IGF2R: variants seen among roughly 807,000 people sequenced by gnomAD.
The protein encoded by IGF2R is cation-independent mannose-6-phosphate receptor.
In IGF2R, 91 loss-of-function variants were observed where a neutral mutation model predicts 270.6. The observed-to-expected ratio is 0.34, with a 90% CI of 0.28 to 0.40. The LOEUF is 0.40. Among genes scored for constraint, IGF2R ranks in the 10% least tolerant of loss-of-function variants. The probability of loss-of-function intolerance (pLI) is 1.00; values close to 1 mark genes in which losing one functional copy is unlikely to be tolerated. For synonymous variants in IGF2R, 1,316 were observed against 1,258.9 expected, an observed-to-expected ratio of 1.05 and a Z score of -0.96; for missense variants, 2,805 against 3,188.3, an observed-to-expected ratio of 0.88 and a Z score of 2.90.
At chr6:159,985,826 T>C (rs1277109495) in intron 1 of IGF2R, among the ~76,000 whole-genome samples, 1 of 152,124 alleles carries the variant, frequency 6.6e-6, no homozygotes, top group Non-Finnish European at 1.5e-5. Context: ...GACCATTGGC[T>C]AACTGTTTTA....
At chr6:159,981,782 C>G (rs1158442577) in intron 1 of IGF2R, among the ~76,000 whole-genome samples, 1 of 152,198 alleles carries the variant, frequency 6.6e-6, no homozygotes, top group Admixed American at 6.5e-5. Context: ...ACCTCTGTTA[C>G]GCAGTCCCCA....
intron 1 of IGF2R, among the ~76,000 whole-genome samples, chr6:159,989,335 G>T (rs1398114028): frequency 5.9e-5 from 9 of 152,118 alleles, no homozygotes; most frequent in Non-Finnish European, 1.0e-4. Flanking sequence ...CTGGTGGTTG[G>T]TTTTGTGCTG....
chr6:160,020,868 CT>C (rs1355420185), intron 4 of IGF2R, among the ~76,000 whole-genome samples: 3 of 152,218 alleles, frequency 2.0e-5, no homozygotes, highest in Non-Finnish European at 2.9e-5. Context: ...CCAGGAAAAG[CT>C]CTCTCGGATC....
chr6:160,070,975 C>A (rs1392225712), intron 31 of IGF2R, among the ~76,000 whole-genome samples: 1 of 152,174 alleles, frequency 6.6e-6, no homozygotes, highest in Admixed American at 6.5e-5. Flanking sequence ...TGGCCGAGGA[C>A]AAAAGGGCTG....
Position 159,991,832 on chromosome 6 carries a change from G to A in IGF2R, c.289+509G>A, listed in dbSNP as rs8191708. 3.1e-3 allele frequency among the ~76,000 whole-genome samples: 474 copies of A among 152,314 alleles called. 4 individuals are homozygous for A. Among genetic ancestry groups the A allele is most frequent in the Non-Finnish European group, 4.3e-3 (292 of 68,032 alleles). On this transcript the variant is annotated intron_variant, in intron 2 of 47. Transcript: ENST00000356956. Reference sequence around the variant, plus strand: ...AGGATTGGCAGTCTCAGAGAAAGAGGTGCAGCCCCTTCTTTCCTAGGGTTC... The same window carrying A: ...AGGATTGGCAGTCTCAGAGAAAGAGATGCAGCCCCTTCTTTCCTAGGGTTC...
rs564600648 is a variant in IGF2R at position 160,084,780 on chromosome 6, C to T, written c.6069-215C>T. Among the ~76,000 whole-genome samples the T allele has an allele frequency of 1.3e-5, 2 of 152,116 alleles. No individual in the cohort carries two copies. The highest frequency in any genetic ancestry group is 1.9e-4 in the East Asian group (1 of 5,164). ...CCGCAGGTGTGGACATTCCACTCCG[C>T]GTGTGTCTGGTTGGTGAGCTCCCTT... On this transcript the variant is annotated intron_variant, in intron 40 of 47. Transcript: ENST00000356956. This position sits in a 1 kb window ranked among gnomAD's most constrained non-coding sequence, Gnocchi z 4.6.
chr6:160,020,340 G>A (rs1011370025), intron 4 of IGF2R, among the ~76,000 whole-genome samples: 1 of 152,086 alleles, frequency 6.6e-6, no homozygotes, highest in African/African-American at 2.4e-5. Flanking sequence ...TTCATGAATT[G>A]GAAGAATCAA....
chr6:160,076,061 C>T, intron 36 of IGF2R, 65 bp downstream of exon 36: 1 of 1,499,374 alleles, frequency 6.7e-7, no homozygotes, highest in South Asian at 1.1e-5. Context: ...GCTAGACAAC[C>T]AGAAAGTGCG....
chr6:160,043,247 A>G lies in IGF2R; in HGVS notation c.1580A>G (p.Lys527Arg). The part of the protein sequence containing the change: ...NICHRVLQEG[K>R]ARGCPEDAAV... The stretch of plus-strand genomic sequence containing the variant: ...TGTCACAGAGTGCTGCAGGAAGGCA[A>G]GGCACGAGGGTGTCCCGAGGACGCG... The change falls in exon 12 of 48, where the codon AAG (lysine) becomes AGG (arginine). Residue 527 changes from lysine (K) to arginine (R), a missense_variant. Coordinates refer to ENST00000356956, the MANE Select transcript of IGF2R (RefSeq NM_000876.4). 1 of 1,614,250 alleles carries G rather than the reference A, an allele frequency of 6.2e-7. No individual in the cohort carries two copies. The highest frequency in any genetic ancestry group is 1.1e-5 in the South Asian group (1 of 91,090).
chr6:160,049,330 C>T (rs935613109), intron 18 of IGF2R, among the ~76,000 whole-genome samples: 7 of 152,132 alleles, frequency 4.6e-5, no homozygotes, highest in South Asian at 2.1e-4. Context: ...AAAATCACCA[C>T]GCGGAACACT....
rs1779071216 is a variant in IGF2R at position 160,085,081 on chromosome 6, G to C, written c.6155G>C (p.Gly2052Ala). 6.2e-7 allele frequency: 1 copy of C among 1,613,952 alleles called. No homozygotes were observed. Among genetic ancestry groups the C allele is most frequent in the Non-Finnish European group, 8.5e-7 (1 of 1,180,002 alleles). The change falls in exon 41 of 48, where the codon GGT (glycine) becomes GCT (alanine). Residue 2052 changes from glycine (G) to alanine (A), a missense_variant. Around this residue, in one of 2 missense-constraint regions of IGF2R, gnomAD observed 1,851 missense variants for 2,207.2 expected, o/e 0.84. Coordinates refer to ENST00000356956, the MANE Select transcript of IGF2R (RefSeq NM_000876.4). ...RASICRRTTT[G>A]DVQVLGLVHT... ...AGCATTTGCAGAAGGACCACAACTG[G>C]TGACGTCCAGGTCCTGGGACTCGTT...
chr6:159,981,880 G>C (rs1783809740), intron 1 of IGF2R, among the ~76,000 whole-genome samples: 1 of 152,184 alleles, frequency 6.6e-6, no homozygotes, highest in Admixed American at 6.5e-5. Context: ...TCCATACACC[G>C]GGCTTCCTTC....
chr6:160,056,066 A>G (rs1778310278), intron 19 of IGF2R, among the ~76,000 whole-genome samples: 1 of 152,196 alleles, frequency 6.6e-6, no homozygotes, highest in Non-Finnish European at 1.5e-5. Flanking sequence ...AGCTGATGTC[A>G]GTGAATCCTA....
At chr6:160,094,460 C>T (rs531811204) in intron 44 of IGF2R, 18 of 165,354 alleles carry the variant, frequency 1.1e-4, no homozygotes, top group South Asian at 6.8e-4. Flanking sequence ...ATACTGTTCA[C>T]GTAGTCATGC....
intron 36 of IGF2R, among the ~76,000 whole-genome samples, chr6:160,077,969 A>C (rs1245443892): frequency 6.6e-6 from 1 of 152,224 alleles, no homozygotes; most frequent in Non-Finnish European, 1.5e-5. Flanking sequence ...CTCTAAGTAG[A>C]AGACAAGACC....
chr6:160,082,510 C>T (rs1157241821), intron 39 of IGF2R, among the ~76,000 whole-genome samples: 1 of 152,154 alleles, frequency 6.6e-6, no homozygotes. Context: ...TGGGATTTCA[C>T]CATGTTGGTC....
intron 1 of IGF2R, among the ~76,000 whole-genome samples, chr6:159,979,666 C>T (rs935373812): frequency 6.6e-6 from 1 of 152,124 alleles, no homozygotes; most frequent in Admixed American, 6.6e-5. Context: ...GCGAGTGAAC[C>T]AGGCACCCTG....
At chr6:159,995,018 T>G (rs562360911) in intron 2 of IGF2R, among the ~76,000 whole-genome samples, 1 of 152,268 alleles carries the variant, frequency 6.6e-6, no homozygotes, top group South Asian at 2.1e-4. Flanking sequence ...TGATGATCTT[T>G]CTAGTGCTTG....
intron 47 of IGF2R, 73 bp downstream of exon 47, chr6:160,103,888 C>T (rs1024182261): frequency 5.9e-6 from 6 of 1,022,526 alleles, no homozygotes; most frequent in Non-Finnish European, 9.2e-6. Context: ...ATGTCGTTCT[C>T]ATCAGGGGTG....
Sources: allele counts gnomAD v4.1 joint callset (sites outside exome capture counted in the v4.1 genomes callset), GRCh38; gene constraint gnomAD v4.1.1; regional missense constraint gnomAD v4.1.1; non-coding constraint Gnocchi (gnomAD v3.1); transcripts MANE v1.5; gene names NCBI Gene and HGNC (gene_info 2026-07-23, HGNC 2026-07-21).